DNAH8: variants seen among roughly 807,000 people sequenced by gnomAD.
DNAH8 encodes axonemal beta dynein heavy chain 8.
In DNAH8, 382 loss-of-function variants were observed where a neutral mutation model predicts 562.1. The observed-to-expected ratio is 0.68, with a 90% CI of 0.63 to 0.74. The LOEUF (loss-of-function observed/expected upper bound fraction) is 0.74. DNAH8 is among the 30% of genes least tolerant of loss of function. DNAH8 has a pLI of 0.00. For missense variants in DNAH8, 5,203 were observed against 5,620.4 expected (o/e 0.93, Z 2.37); for synonymous variants, 1,881 against 1,919.4 (o/e 0.98, Z 0.52).
At chr6:38,720,836 C>T (rs1468292624) in intron 1 of DNAH8, among the ~76,000 whole-genome samples, 1 of 121,382 alleles carries the variant, frequency 8.2e-6, no homozygotes, top group Non-Finnish European at 1.9e-5. Flanking sequence ...CAGTGATCTC[C>T]AAGATAACAC....
intron 6 of DNAH8, 95 bp from the exon 7 acceptor site, chr6:38,737,714 C>A: frequency 1.9e-6 from 1 of 530,106 alleles, no homozygotes. Context: ...ACATTAAATA[C>A]TTCTTACTAT....
Position 38,756,220 on chromosome 6 carries a change from G to A in DNAH8, c.1515+141G>A, listed in dbSNP as rs772219888. ...TTCCAGTGGACAAGAAGAGAAAGGCGTTGACTGGACTCAGTTGTACTTAAT... is the reference window on the plus strand; with the variant it reads ...TTCCAGTGGACAAGAAGAGAAAGGCATTGACTGGACTCAGTTGTACTTAAT... On this transcript the variant is annotated intron_variant, in intron 10 of 92. Coordinates refer to ENST00000327475, the MANE Select transcript of DNAH8 (RefSeq NM_001206927.2). The A allele has an allele frequency of 2.9e-5, 19 of 655,574 alleles. No individual in the cohort carries two copies. The East Asian group carries it at 3.6e-4, about 13-fold the overall frequency. 40.6% of individuals were successfully genotyped at this position (655,574 alleles called of 1,614,324 possible).
intron 62 of DNAH8, among the ~76,000 whole-genome samples, chr6:38,904,792 C>CAAAAAAAAAA (rs759782655): frequency 1.2e-5 from 1 of 86,378 alleles, no homozygotes; most frequent in African/African-American, 4.5e-5. Context: ...AACTCCGTCT[C>CAAAAAAAAAA]AAAAAAAAAA....
In DNAH8 at chr6:38,892,857, C is replaced by A. The variant is rs77238933; in HGVS notation, c.8584-1844C>A. Among the ~76,000 whole-genome samples the A allele has an allele frequency of 4.4e-3, 674 of 152,270 alleles. 6 individuals carry two copies. Among genetic ancestry groups the A allele is most frequent in the African/African-American group, 0.016 (653 of 41,540 alleles). ...GGCCCTGCTCACCATTCCTTGAGTACCCCAGGTTTATTGCGTTGCTGGGCC... is the reference window on the plus strand; with the variant it reads ...GGCCCTGCTCACCATTCCTTGAGTAACCCAGGTTTATTGCGTTGCTGGGCC... On this transcript the variant is annotated intron_variant, in intron 58 of 92. Transcript: ENST00000327475.
intron 24 of DNAH8, among the ~76,000 whole-genome samples, chr6:38,812,025 A>G (rs779745801): frequency 1.3e-5 from 2 of 152,196 alleles, no homozygotes; most frequent in Non-Finnish European, 2.9e-5. Flanking sequence ...GAAAAGCCAT[A>G]GCTGCAGGAA....
intron 8 of DNAH8, 40 bp downstream of exon 8, chr6:38,741,927 C>A: frequency 4.6e-6 from 7 of 1,537,218 alleles, no homozygotes; most frequent in Non-Finnish European, 6.2e-6. Context: ...TACTTCAGAA[C>A]AAGCAACTAG....
chr6:38,739,572 C>A (rs1164417964), intron 7 of DNAH8, among the ~76,000 whole-genome samples: 1 of 152,042 alleles, frequency 6.6e-6, no homozygotes, highest in Non-Finnish European at 1.5e-5. Flanking sequence ...TTTGGGAGCC[C>A]AAGGCAAGAG....
Position 38,929,576 on chromosome 6 carries a change from C to G in DNAH8, c.11184C>G (p.Pro3728=), listed in dbSNP as rs114401631. Reference sequence around the variant, plus strand: ...AGGACAGCCTTTCCTTGGGCCGACCCCTTCTCATTGAGGACATTCATGAAG... The same window carrying G: ...AGGACAGCCTTTCCTTGGGCCGACCGCTTCTCATTGAGGACATTCATGAAG... The part of the protein sequence containing the change: ...HLEDSLSLGR[P]LLIEDIHEEL... The change falls in exon 75 of 93, where the codon CCC becomes CCG. Residue 3728 remains proline, a synonymous_variant. Transcript: ENST00000327475. The G allele has an allele frequency of 7.0e-4, 1,122 of 1,612,532 alleles. 1 individual carries two copies. Among genetic ancestry groups the G allele is most frequent in the Non-Finnish European group, 8.6e-4 (1,013 of 1,179,352 alleles).
In DNAH8 at chr6:38,722,839, T is replaced by C. The variant is rs760186570; in HGVS notation, c.30T>C (p.Pro10=). The change falls in exon 2 of 93, where the codon CCT becomes CCC. Residue 10 remains proline, a synonymous_variant. Transcript: ENST00000327475. MEKDAEDGA[P]SEGAEAPPST... ...AGAAGGATGCTGAAGATGGCGCCCC[T>C]TCTGAGGGAGCAGAGGCTCCTCCCT... 3.0e-5 allele frequency: 48 copies of C among 1,604,916 alleles called. No individual in the cohort carries two copies. Among genetic ancestry groups the C allele is most frequent in the Non-Finnish European group, 3.9e-5 (46 of 1,175,834 alleles).
intron 87 of DNAH8, among the ~76,000 whole-genome samples, chr6:38,987,215 G>C (rs4711568): frequency 0.4 from 60,408 of 152,016 alleles, 13,577 homozygotes; most frequent in Non-Finnish European, 0.52. Context: ...GCACACGGAG[G>C]GGGAGGAAGA....
At chr6:38,954,328 G>A (rs1762110124) in intron 82 of DNAH8, among the ~76,000 whole-genome samples, 2 of 152,198 alleles carry the variant, frequency 1.3e-5, no homozygotes. Context: ...CACAAAAGTA[G>A]TAGTGGGAAA....
chr6:38,814,105 A>T lies in DNAH8; in HGVS notation c.3309A>T (p.Glu1103Asp). The T allele has an allele frequency of 1.3e-6, 2 of 1,578,962 alleles. No homozygotes were observed. Reference protein sequence around the residue: ...SEDIISFIKSEVHLAIPNVVM... With the variant: ...SEDIISFIKSDVHLAIPNVVM... The stretch of plus-strand genomic sequence containing the variant: ...ATATTATTTCCTTTATAAAAAGTGA[A>T]GTACATCTTGCAATTCCTAATGTGG... The change falls in exon 25 of 93, where the codon GAA (glutamate) becomes GAT (aspartate). Residue 1103 changes from glutamate to aspartate, a missense_variant. By Grantham distance (45) the Glu-to-Asp change is conservative. Coordinates refer to ENST00000327475, the MANE Select transcript of DNAH8 (RefSeq NM_001206927.2).
At chr6:38,740,509 T>C (rs1764438081) in intron 7 of DNAH8, among the ~76,000 whole-genome samples, 1 of 152,256 alleles carries the variant, frequency 6.6e-6, no homozygotes, top group African/African-American at 2.4e-5. Context: ...GATTGCAAGA[T>C]AGCTTGTAAA....
chr6:38,740,436 G>C (rs1764431513), intron 7 of DNAH8, among the ~76,000 whole-genome samples: 1 of 152,084 alleles, frequency 6.6e-6, no homozygotes, highest in Non-Finnish European at 1.5e-5. Context: ...TTAATTTCTA[G>C]TTATCTTATC....
chr6:38,924,510 C>A (rs78602369), intron 73 of DNAH8, among the ~76,000 whole-genome samples: 4,702 of 150,842 alleles, frequency 0.031, 93 homozygotes, highest in Non-Finnish European at 0.039. Context: ...ATCCCCCCCC[C>A]AAAAAAAAGA....
chr6:38,986,305 A>C (rs1670898507), intron 87 of DNAH8, among the ~76,000 whole-genome samples: 1 of 152,214 alleles, frequency 6.6e-6, no homozygotes. Flanking sequence ...GACATCATGC[A>C]TAGGTCTTAC....
intron 53 of DNAH8, among the ~76,000 whole-genome samples, chr6:38,877,368 G>T (rs1778104117): frequency 6.6e-6 from 1 of 151,884 alleles, no homozygotes. Context: ...CTTCCAAGTA[G>T]CTAGGACTGG....
At chr6:38,919,341 G>A (rs1044011863) in intron 70 of DNAH8, among the ~76,000 whole-genome samples, 3 of 152,172 alleles carry the variant, frequency 2.0e-5, no homozygotes, top group Non-Finnish European at 4.4e-5. Flanking sequence ...ACCCCTGGTA[G>A]GCATAGGGCC....
At chr6:38,936,509 T>C (rs1402889743) in intron 77 of DNAH8, 1 of 152,222 alleles carries the variant, frequency 6.6e-6, no homozygotes, top group African/African-American at 2.4e-5. Flanking sequence ...AGTGAATGAA[T>C]ACTTCACAAC....
Sources: gnomAD v4.1 joint callset for allele counts (sites outside exome capture counted in the v4.1 genomes callset) on GRCh38, gnomAD v4.1.1 for gene constraint, MANE v1.5 for transcripts, NCBI Gene and HGNC (gene_info 2026-07-23, HGNC 2026-07-21) for gene names.